The following SLAIN1 variants were observed in gnomAD, a reference collection of about 807,000 sequenced individuals.
SLAIN1 encodes the protein SLAIN family member 1, also known as SLAIN motif-containing protein 1.
In SLAIN1, 17 loss-of-function variants were observed where a neutral mutation model predicts 55.4. The observed-to-expected ratio is 0.31, with a 90% confidence interval of 0.21 to 0.46. The LOEUF is 0.46. SLAIN1 is among the 20% of genes least tolerant of loss of function. The pLI is 1.00. For missense variants in SLAIN1, 682 were observed against 785.1 expected (o/e 0.87, Z 1.57); for synonymous variants, 348 against 337.4 (o/e 1.03, Z -0.35).
intron 1 of SLAIN1, among the ~76,000 whole-genome samples, chr13:77,716,941 T>C (rs2091213915): frequency 6.6e-6 from 1 of 152,180 alleles, no homozygotes; most frequent in African/African-American, 2.4e-5. Flanking sequence ...CTGTGTCTGT[T>C]TGATATCACA....
chr13:77,730,179 G>C (rs918173013), intron 2 of SLAIN1, among the ~76,000 whole-genome samples: 2 of 152,158 alleles, frequency 1.3e-5, no homozygotes, highest in Non-Finnish European at 2.9e-5. Context: ...TGTGTGCAGC[G>C]TCTTCAGGGC....
At chr13:77,747,278 T>C (rs1038002083) in intron 4 of SLAIN1, among the ~76,000 whole-genome samples, 1 of 152,186 alleles carries the variant, frequency 6.6e-6, no homozygotes, top group South Asian at 2.1e-4. Flanking sequence ...GGTCAATGTT[T>C]CTCAGATTAA....
chr13:77,748,807 G>C (rs1199824521), intron 4 of SLAIN1, among the ~76,000 whole-genome samples: 2 of 152,158 alleles, frequency 1.3e-5, no homozygotes, highest in African/African-American at 4.8e-5. Flanking sequence ...TTTCTCAACT[G>C]TCTAAGGTTC....
At chr13:77,708,967 G>A (rs7981065) in intron 1 of SLAIN1, among the ~76,000 whole-genome samples, 22,873 of 151,634 alleles carry the variant, frequency 0.15, 2,052 homozygotes, top group African/African-American at 0.23. Flanking sequence ...AAACTCCTCC[G>A]AGCTAAAGGA....
chr13:77,753,756 T>C (rs1003140888), intron 5 of SLAIN1, among the ~76,000 whole-genome samples: 8 of 152,188 alleles, frequency 5.3e-5, no homozygotes, highest in Non-Finnish European at 8.8e-5. Context: ...TCCTCCTCCT[T>C]CTAGCTGTCT....
At chr13:77,725,004 A>G (rs1216170529) in intron 2 of SLAIN1, among the ~76,000 whole-genome samples, 1 of 152,200 alleles carries the variant, frequency 6.6e-6, no homozygotes, top group Non-Finnish European at 1.5e-5. Flanking sequence ...TTTGTTGAGC[A>G]CCAGTTCTCT....
rs2091240849 is a variant in SLAIN1 at position 77,719,498 on chromosome 13, T to C, written c.627-34T>C. ...GAGAGAGGTACTCTCTGTATACCTATATCATACCTATAATGTAGATTTCTT... is the reference window on the plus strand; with the variant it reads ...GAGAGAGGTACTCTCTGTATACCTACATCATACCTATAATGTAGATTTCTT... On this transcript the variant is annotated intron_variant, in intron 1 of 6. Coordinates refer to ENST00000418532, the MANE Select transcript of SLAIN1 (RefSeq NM_001242868.2). 3 of 1,549,104 alleles carry C rather than the reference T, an allele frequency of 1.9e-6. No homozygotes were observed. The South Asian group carries it at 3.4e-5, about 17-fold the overall frequency.
At chr13:77,719,485 C>T (rs79933150) in intron 1 of SLAIN1, 47 bp from the exon 2 acceptor site, 17,479 of 1,410,634 alleles carry the variant, frequency 0.012, 209 homozygotes, top group Non-Finnish European at 0.013. Flanking sequence ...GAGAGGTACT[C>T]TCTGTATACC....
rs1264469533 is a variant in SLAIN1 at position 77,758,408 on chromosome 13, G to A, written c.1415-2420G>A. On this transcript the variant is annotated intron_variant, in intron 5 of 6. Transcript: ENST00000418532. ...TTACTCACTGATTATTTATTTTGGT[G>A]TGCAGAAGCTTTGTAGTTTAATTAG... is the stretch of plus-strand genomic sequence containing the variant. Among the ~76,000 whole-genome samples the A allele has an allele frequency of 2.0e-5, 3 of 152,010 alleles. No homozygotes were observed. In the East Asian group the frequency reaches 5.8e-4, roughly 29 times the overall value.
chr13:77,720,143 CATT>C (rs1200416424), intron 2 of SLAIN1, among the ~76,000 whole-genome samples: 7 of 151,872 alleles, frequency 4.6e-5, no homozygotes, highest in African/African-American at 1.7e-4. Context: ...TTGTCTGTAA[CATT>C]AATTAACTTA....
At chr13:77,743,399 G>T in intron 2 of SLAIN1, 1 of 204,452 alleles carries the variant, frequency 4.9e-6, no homozygotes, top group South Asian at 6.8e-5. Flanking sequence ...AAAAGTATAT[G>T]CATGCAGTTC....
chr13:77,759,552 G>A (rs185777882), intron 5 of SLAIN1, among the ~76,000 whole-genome samples: 16 of 152,106 alleles, frequency 1.1e-4, no homozygotes, highest in Admixed American at 2.0e-4. Flanking sequence ...ACTTTTCCTC[G>A]TTCAATATGA....
chr13:77,743,247 A>G, intron 2 of SLAIN1: 1 of 1,111,218 alleles, frequency 9.0e-7, no homozygotes, highest in South Asian at 1.5e-5. Context: ...TTTCATTTGA[A>G]AAGCTTGAGA....
rs1351989283 is a variant in SLAIN1 at position 77,697,910 on chromosome 13, C to G, written c.-4C>G. 4 of 1,394,344 alleles carry G rather than the reference C, an allele frequency of 2.9e-6. No homozygotes were observed. Among genetic ancestry groups the G allele is most frequent in the African/African-American group, 1.5e-5 (1 of 65,936 alleles). 86.4% of individuals were successfully genotyped at this position (1,394,344 alleles called of 1,614,324 possible). A position where few individuals can be genotyped will look rare whatever the true frequency, so the allele number is the denominator to read the frequency against. On this transcript the variant is annotated 5_prime_UTR_variant, in exon 1 of 7. Coordinates refer to ENST00000418532, the MANE Select transcript of SLAIN1 (RefSeq NM_001242868.2). ...CGGCGGCCGCGGCGCCCTCGGGGCCCACGATGATGGCGGAGCAGGTGAAAT... is the reference window on the plus strand; with the variant it reads ...CGGCGGCCGCGGCGCCCTCGGGGCCGACGATGATGGCGGAGCAGGTGAAAT...
intron 1 of SLAIN1, among the ~76,000 whole-genome samples, chr13:77,717,513 A>G (rs1416283996): frequency 6.6e-6 from 1 of 151,690 alleles, no homozygotes; most frequent in Non-Finnish European, 1.5e-5. Flanking sequence ...CTTTTAACTT[A>G]TTTGTTTGCC....
At position 77,746,616 on chromosome 13, in the gene SLAIN1, A is replaced by G; in HGVS notation, c.1019A>G (p.Tyr340Cys). Reference protein sequence around the residue: ...GKKGTCSDQEYDQYSLEDEEE... With the variant: ...GKKGTCSDQECDQYSLEDEEE... ...AAAGGGACATGTAGTGATCAAGAAT[A>G]TGACCAATACAGTCTGGAGGATGAA... is the stretch of plus-strand genomic sequence containing the variant. Residue 340 changes from tyrosine to cysteine, a missense_variant, in exon 4 of 7, where the codon TAT becomes TGT. Physicochemically the swap from Tyr to Cys is radical, Grantham distance 194. This residue lies in a region of SLAIN1 where 37 missense variants were observed against 72.6 expected (regional missense o/e 0.51). Transcript: ENST00000418532. 2 of 1,613,682 alleles carry G rather than the reference A, an allele frequency of 1.2e-6. No homozygotes were observed. The highest frequency in any genetic ancestry group is 1.7e-6 in the Non-Finnish European group (2 of 1,179,716).
chr13:77,732,790 C>G (rs2154410055), intron 2 of SLAIN1, among the ~76,000 whole-genome samples: 1 of 152,090 alleles, frequency 6.6e-6, no homozygotes, highest in Admixed American at 6.6e-5. Context: ...GTGCTTAAAG[C>G]TGTTGTCTTA....
At position 77,742,934 on chromosome 13, in the gene SLAIN1, T is replaced by A. The variant is rs574785231; in HGVS notation, c.767-1349T>A. 1.2e-4 allele frequency: 104 copies of A among 837,180 alleles called. No homozygotes were observed. In the Admixed American group the frequency reaches 4.0e-3, roughly 33 times the overall value. 51.9% of individuals were successfully genotyped at this position (837,180 alleles called of 1,614,324 possible). A position where few individuals can be genotyped will look rare whatever the true frequency, so the allele number is the denominator to read the frequency against. On this transcript the variant is annotated intron_variant, in intron 2 of 6. Coordinates refer to ENST00000418532, the MANE Select transcript of SLAIN1 (RefSeq NM_001242868.2). ...GTTGCTTTGTCTTTTTTTTTTTTTT[T>A]ATTCTCTTCCCTTTCTCCTTCTGAC... is the stretch of plus-strand genomic sequence containing the variant.
At position 77,720,339 on chromosome 13, in the gene SLAIN1, A is replaced by G. The variant is rs2091249655; in HGVS notation, c.766+668A>G. 2.0e-5 allele frequency among the ~76,000 whole-genome samples: 3 copies of G among 152,084 alleles called. 1 individual carries two copies. The highest frequency in any genetic ancestry group is 4.1e-4 in the South Asian group (2 of 4,820). ...TTGATCCTCTGGGAACACTGTTTCT[A>G]TTCCATGGACCACCTGCATCCAAAT... On this transcript the variant is annotated intron_variant, in intron 2 of 6. Transcript: ENST00000418532.
Sources: allele counts gnomAD v4.1 joint callset (sites outside exome capture counted in the v4.1 genomes callset), GRCh38; gene constraint gnomAD v4.1.1; regional missense constraint gnomAD v4.1.1; transcripts MANE v1.5; gene names NCBI Gene and HGNC (gene_info 2026-07-23, HGNC 2026-07-21).